Variants in RASSF3 observed in about 807,000 individuals in gnomAD.
RASSF3 encodes the protein Ras association domain family member 3, also known as ras association domain-containing protein 3.
A neutral mutation model predicts 19.9 loss-of-function variants in RASSF3; 19 were observed. That is an observed-to-expected ratio of 0.96 (90% CI 0.67 to 1.40). The LOEUF (loss-of-function observed/expected upper bound fraction) is 1.40. RASSF3 is among the 40% of genes most tolerant of loss of function. The pLI, the probability that RASSF3 is intolerant of heterozygous loss-of-function variation, is 0.00. For synonymous variants in RASSF3, 110 were observed against 104.2 expected (o/e 1.06, Z -0.34); for missense variants, 306 against 289.8 (o/e 1.06, Z -0.41).
intron 2 of RASSF3, among the ~76,000 whole-genome samples, chr12:64,590,258 C>T (rs1367624930): frequency 6.6e-6 from 1 of 151,474 alleles, no homozygotes. Context: ...GTGTTCAAGA[C>T]TTAGGCTTGC....
At chr12:64,692,005 C>T (rs1202239205) in intron 4 of RASSF3, among the ~76,000 whole-genome samples, 5 of 152,142 alleles carry the variant, frequency 3.3e-5, no homozygotes, top group Non-Finnish European at 4.4e-5. Context: ...AAAGGAAATT[C>T]GATCTCTTTA....
At chr12:64,552,559 T>A (rs146648143) in intron 2 of RASSF3, among the ~76,000 whole-genome samples, 4,896 of 152,126 alleles carry the variant, frequency 0.032, 265 homozygotes, top group African/African-American at 0.11. Context: ...CCAGTGTGTG[T>A]TGTTCCCCTC....
At chr12:64,661,184 G>C (rs1200117637) in intron 1 of RASSF3, among the ~76,000 whole-genome samples, 1 of 152,162 alleles carries the variant, frequency 6.6e-6, no homozygotes, top group Non-Finnish European at 1.5e-5. Flanking sequence ...ACAATGCTTA[G>C]ATACAATGAT....
At chr12:64,550,919 C>T (rs1305751334) in intron 2 of RASSF3, among the ~76,000 whole-genome samples, 1 of 151,792 alleles carries the variant, frequency 6.6e-6, no homozygotes, top group Non-Finnish European at 1.5e-5. Flanking sequence ...TGCCGGCTCA[C>T]TGCTAAGGGA....
chr12:64,682,683 G>A (rs1189122949), intron 1 of RASSF3, among the ~76,000 whole-genome samples: 2 of 151,594 alleles, frequency 1.3e-5, no homozygotes, highest in African/African-American at 4.9e-5. Context: ...CTTACTCTAC[G>A]TGGTATTGAC....
At chr12:64,518,545 A>G (rs1363692439) in intron 1 of RASSF3, among the ~76,000 whole-genome samples, 1 of 152,250 alleles carries the variant, frequency 6.6e-6, no homozygotes, top group Non-Finnish European at 1.5e-5. Flanking sequence ...GCACCAAGCC[A>G]TGCATGAGGG....
chr12:64,572,893 G>A (rs1325090734), intron 2 of RASSF3, among the ~76,000 whole-genome samples: 1 of 152,100 alleles, frequency 6.6e-6, no homozygotes, highest in African/African-American at 2.4e-5. Flanking sequence ...TCGATAAAAT[G>A]CAATTTCTTT....
chr12:64,562,706 G>A (rs1190421889), intron 2 of RASSF3, among the ~76,000 whole-genome samples: 2 of 151,584 alleles, frequency 1.3e-5, no homozygotes, highest in Non-Finnish European at 2.9e-5. Flanking sequence ...CTGCAGCCTC[G>A]ACCTCCTGGG....
At chr12:64,625,677 AC>A (rs1870961807) in intron 1 of RASSF3, among the ~76,000 whole-genome samples, 1 of 152,218 alleles carries the variant, frequency 6.6e-6, no homozygotes, top group Non-Finnish European at 1.5e-5. Flanking sequence ...AAACTGTATA[AC>A]GTGCTGCAAA....
intron 2 of RASSF3, among the ~76,000 whole-genome samples, chr12:64,686,186 T>C (rs575453948): frequency 6.6e-6 from 1 of 152,208 alleles, no homozygotes; most frequent in African/African-American, 2.4e-5. Context: ...TGCTATGTTT[T>C]TTTTTTTTCC....
At chr12:64,545,457 AATTT>A (rs1198738846), downstream of RASSF3, among the ~76,000 whole-genome samples, 1 of 152,206 alleles carries the variant, frequency 6.6e-6, no homozygotes, top group African/African-American at 2.4e-5. Context: ...TTTGATATTT[AATTT>A]ATTTTAGTTC....
upstream of RASSF3, among the ~76,000 whole-genome samples, chr12:64,608,784 G>T (rs954958057): frequency 1.3e-5 from 2 of 152,106 alleles, no homozygotes; most frequent in African/African-American, 4.8e-5. Context: ...TGAAATAAGA[G>T]AAACCAAATA....
chr12:64,561,266 G>T (rs1345267458), intron 2 of RASSF3, among the ~76,000 whole-genome samples: 1 of 152,158 alleles, frequency 6.6e-6, no homozygotes, highest in Non-Finnish European at 1.5e-5. Context: ...GTATAAGGAA[G>T]CCAGATCTAA....
chr12:64,571,873 A>G (rs1009999816), intron 2 of RASSF3, among the ~76,000 whole-genome samples: 4 of 152,292 alleles, frequency 2.6e-5, no homozygotes, highest in Non-Finnish European at 5.9e-5. Context: ...GCTTGCTGGT[A>G]TAGACAGTGG....
chr12:64,675,935 C>T (rs1239784266), intron 1 of RASSF3, among the ~76,000 whole-genome samples: 1 of 151,812 alleles, frequency 6.6e-6, no homozygotes, highest in East Asian at 1.9e-4. Context: ...AAAATCCTCT[C>T]ATCTGGCAGG....
At chr12:64,528,729 T>C (rs1471445160), upstream of RASSF3, among the ~76,000 whole-genome samples, 11 of 152,186 alleles carry the variant, frequency 7.2e-5, no homozygotes, top group Middle Eastern at 6.3e-3. Context: ...GGGTGGGTGC[T>C]GGATAACGGT....
intron 1 of RASSF3, among the ~76,000 whole-genome samples, chr12:64,634,765 A>T (rs924690960): frequency 0.014 from 557 of 39,948 alleles, 15 homozygotes; most frequent in African/African-American, 0.062. Flanking sequence ...CATCTCATAA[A>T]AAAAAAAAAA....
intron 1 of RASSF3, among the ~76,000 whole-genome samples, chr12:64,511,444 T>C (rs1868327653): frequency 6.6e-6 from 1 of 152,050 alleles, no homozygotes; most frequent in South Asian, 2.1e-4. Flanking sequence ...ACCACACCAC[T>C]GCACTCCAGC....
At chr12:64,605,862 T>C (rs1870182118), upstream of RASSF3, among the ~76,000 whole-genome samples, 1 of 127,254 alleles carries the variant, frequency 7.9e-6, no homozygotes, top group Non-Finnish European at 1.6e-5. Flanking sequence ...CACTCCAGCC[T>C]GGTAAAAAGA....
Sources: allele counts gnomAD v4.1 joint callset (sites outside exome capture counted in the v4.1 genomes callset), GRCh38; gene constraint gnomAD v4.1.1; transcripts MANE v1.5; gene names NCBI Gene and HGNC (gene_info 2026-07-23, HGNC 2026-07-21).